The following SLC35F1 variants were observed in gnomAD, a reference collection of about 807,000 sequenced individuals.
The protein encoded by SLC35F1 is chromosome 6 open reading frame 169.
A neutral mutation model predicts 48.7 loss-of-function variants in SLC35F1; 14 were observed. That is an observed-to-expected ratio of 0.29 (90% confidence interval 0.19 to 0.45). SLC35F1 has a LOEUF of 0.45. SLC35F1 is among the 20% of genes least tolerant of loss of function. The pLI, the probability that SLC35F1 is intolerant of heterozygous loss-of-function variation, is 1.00. For missense variants in SLC35F1, 404 were observed against 500.0 expected (o/e 0.81, Z 1.83); for synonymous variants, 190 against 202.2 (o/e 0.94, Z 0.51).
intron 1 of SLC35F1, among the ~76,000 whole-genome samples, chr6:118,120,927 T>G (rs959212358): frequency 4.6e-5 from 7 of 152,182 alleles, no homozygotes; most frequent in Admixed American, 4.6e-4. Context: ...TGATCATCTT[T>G]TTTTCTTCCT....
At chr6:118,226,700 T>G (rs944701386) in intron 2 of SLC35F1, among the ~76,000 whole-genome samples, 2 of 152,148 alleles carry the variant, frequency 1.3e-5, no homozygotes, top group African/African-American at 4.8e-5. Context: ...TACCAGACGC[T>G]GGGAAGAGTA....
intron 1 of SLC35F1, among the ~76,000 whole-genome samples, chr6:118,009,948 C>T (rs1777223420): frequency 6.6e-6 from 1 of 152,110 alleles, no homozygotes; most frequent in Non-Finnish European, 1.5e-5. Flanking sequence ...AGGAAATTTG[C>T]ATGCCAGGGA....
At chr6:118,032,127 C>G (rs763111185) in intron 1 of SLC35F1, among the ~76,000 whole-genome samples, 14 of 152,156 alleles carry the variant, frequency 9.2e-5, no homozygotes, top group Non-Finnish European at 1.5e-4. Flanking sequence ...TAAATTAGCT[C>G]AATAAACCCA....
chr6:117,930,277 A>G (rs1021664249), intron 1 of SLC35F1, among the ~76,000 whole-genome samples: 1 of 152,142 alleles, frequency 6.6e-6, no homozygotes, highest in Admixed American at 6.6e-5. Context: ...ATTTTGCTCC[A>G]TCTCTTGGCT....
intron 3 of SLC35F1, among the ~76,000 whole-genome samples, chr6:118,249,248 A>C (rs1331141384): frequency 6.6e-6 from 1 of 152,168 alleles, no homozygotes; most frequent in Non-Finnish European, 1.5e-5. Context: ...TGGAAACATA[A>C]CTGTAAGAGC....
At chr6:118,041,035 G>T (rs1308844569) in intron 1 of SLC35F1, among the ~76,000 whole-genome samples, 1 of 151,832 alleles carries the variant, frequency 6.6e-6, no homozygotes. Context: ...AGTATTATAA[G>T]AAATATGAAA....
intron 1 of SLC35F1, among the ~76,000 whole-genome samples, chr6:117,908,641 C>T (rs1775726734): frequency 6.6e-6 from 1 of 152,252 alleles, no homozygotes; most frequent in Non-Finnish European, 1.5e-5. Context: ...GGATTCAGGA[C>T]GTTGACGTTT....
At chr6:117,937,737 TGGGCAAAAACACAA>T (rs1776178327) in intron 1 of SLC35F1, among the ~76,000 whole-genome samples, 1 of 152,200 alleles carries the variant, frequency 6.6e-6, no homozygotes, top group Non-Finnish European at 1.5e-5. Flanking sequence ...ATGAGTACAC[TGGGCAAAAACACAA>T]GGTCCCAATG....
chr6:117,927,370 T>C (rs1776042371), intron 1 of SLC35F1, among the ~76,000 whole-genome samples: 1 of 152,180 alleles, frequency 6.6e-6, no homozygotes, highest in South Asian at 2.1e-4. Context: ...GTAGTTATTA[T>C]GTAGGCATCA....
intron 3 of SLC35F1, among the ~76,000 whole-genome samples, chr6:118,241,748 T>G (rs1373371983): frequency 1.8e-4 from 27 of 152,206 alleles, no homozygotes; most frequent in Admixed American, 1.8e-3. Flanking sequence ...TCTCTGTCAC[T>G]GGCAACCACT....
At chr6:118,277,606 T>C (rs1169346982) in intron 6 of SLC35F1, 60 bp downstream of exon 6, 8 of 1,477,000 alleles carry the variant, frequency 5.4e-6, no homozygotes, top group Non-Finnish European at 6.6e-6. Context: ...GTTTGAAGAA[T>C]GATGTGGGTC....
chr6:118,119,497 C>CG (rs1282632410), intron 1 of SLC35F1, among the ~76,000 whole-genome samples: 2 of 69,750 alleles, frequency 2.9e-5, no homozygotes, highest in Non-Finnish European at 5.3e-5. Flanking sequence ...AACCGGCGCC[C>CG]CCCCTCCACC....
intron 1 of SLC35F1, among the ~76,000 whole-genome samples, chr6:117,988,718 C>G (rs1776879577): frequency 6.6e-6 from 1 of 152,178 alleles, no homozygotes; most frequent in Admixed American, 6.5e-5. Context: ...AACACCATGG[C>G]TTAATAATGT....
intron 2 of SLC35F1, among the ~76,000 whole-genome samples, chr6:118,155,639 G>A (rs1478911707): frequency 2.0e-5 from 3 of 152,132 alleles, no homozygotes; most frequent in African/African-American, 7.2e-5. Context: ...TATGGAATAT[G>A]TTATTCATTA....
chr6:117,969,068 A>G (rs917865109), intron 1 of SLC35F1, among the ~76,000 whole-genome samples: 4 of 152,188 alleles, frequency 2.6e-5, no homozygotes, highest in African/African-American at 7.2e-5. Context: ...TCAGTACTAT[A>G]TTATCTACCC....
Position 117,984,633 on chromosome 6 carries a change from C to T in SLC35F1, c.173+76734C>T, listed in dbSNP as rs184556153. On this transcript the variant is annotated intron_variant, in intron 1 of 7. Transcript: ENST00000360388. ...TATGGATTCTCTGTGGCTGGTTTTG[C>T]GCTACAACAGCAGAGTTGGGTAGTT... Among the ~76,000 whole-genome samples the T allele has an allele frequency of 7.9e-5, 12 of 152,086 alleles. No individual in the cohort carries two copies. The Middle Eastern group carries it at 0.01, about 129-fold the overall frequency.
chr6:117,959,547 C>T (rs1562248509), intron 1 of SLC35F1, among the ~76,000 whole-genome samples: 3 of 152,264 alleles, frequency 2.0e-5, no homozygotes, highest in East Asian at 3.9e-4. Context: ...CAGAAATAGA[C>T]ATGTCTTGCC....
chr6:118,274,503 T>G (rs1582764495), intron 4 of SLC35F1, among the ~76,000 whole-genome samples: 1 of 152,138 alleles, frequency 6.6e-6, no homozygotes, highest in South Asian at 2.1e-4. Flanking sequence ...TTCTGAGGGA[T>G]TCTTCTGCCT....
chr6:118,035,636 C>T (rs929637692), intron 1 of SLC35F1, among the ~76,000 whole-genome samples: 2 of 135,382 alleles, frequency 1.5e-5, no homozygotes, highest in African/African-American at 5.3e-5. Context: ...ACAACAACAA[C>T]AAAACAAAAC....
Sources: gnomAD v4.1 joint callset for allele counts (sites outside exome capture counted in the v4.1 genomes callset) on GRCh38, gnomAD v4.1.1 for gene constraint, MANE v1.5 for transcripts, NCBI Gene and HGNC (gene_info 2026-07-23, HGNC 2026-07-21) for gene names.